Variants in PKHD1L1 observed in about 807,000 individuals in gnomAD.
The protein encoded by PKHD1L1 is fibrocystin-L.
Under a neutral mutation model 462.9 loss-of-function variants are expected in PKHD1L1, and 434 were observed. The observed-to-expected ratio is 0.94, with a 90% confidence interval of 0.87 to 1.02. The LOEUF is 1.02. PKHD1L1 is among the 50% of genes least tolerant of loss of function. The pLI, the probability that PKHD1L1 is intolerant of heterozygous loss-of-function variation, is 0.00. For missense variants in PKHD1L1, 5,202 were observed against 5,096.1 expected, an observed-to-expected ratio of 1.02 and a Z score of -0.63; for synonymous variants, 1,781 against 1,750.0, an observed-to-expected ratio of 1.02 and a Z score of -0.44.
At chr8:109,415,859 AAAG>A (rs1814126600) in intron 21 of PKHD1L1, among the ~76,000 whole-genome samples, 3 of 107,624 alleles carry the variant, frequency 2.8e-5, no homozygotes, top group Non-Finnish European at 3.7e-5. Context: ...AAAAAAAAAA[AAAG>A]GGGTGTGTGT....
intron 53 of PKHD1L1, among the ~76,000 whole-genome samples, chr8:109,478,740 A>G (rs1818123626): frequency 6.6e-6 from 1 of 152,170 alleles, no homozygotes. Flanking sequence ...TAACAGATTT[A>G]GATTGCTCTA....
At position 109,507,660 on chromosome 8, in the gene PKHD1L1, C is replaced by T. The variant is rs747728537; in HGVS notation, c.10995-3C>T. 4.3e-6 allele frequency: 7 copies of T among 1,609,870 alleles called. No individual in the cohort carries two copies. Among genetic ancestry groups the T allele is most frequent in the Non-Finnish European group, 5.9e-6 (7 of 1,176,580 alleles). On this transcript the variant is annotated splice_region_variant and splice_polypyrimidine_tract_variant and intron_variant, in intron 68 of 77. Transcript: ENST00000378402. Reference sequence around the variant, plus strand: ...AACTGAATAATTCAACTTTTCTCCACAGTAAGGTCAATCCATCTGATTGTG... The same window carrying T: ...AACTGAATAATTCAACTTTTCTCCATAGTAAGGTCAATCCATCTGATTGTG...
intron 2 of PKHD1L1, among the ~76,000 whole-genome samples, chr8:109,371,190 G>A (rs1313636460): frequency 6.6e-5 from 10 of 152,110 alleles, no homozygotes; most frequent in African/African-American, 1.2e-4. Flanking sequence ...TTTAATGATC[G>A]CCATTCTAAC....
At chr8:109,414,015 A>T (rs1011526767) in intron 21 of PKHD1L1, among the ~76,000 whole-genome samples, 7 of 152,170 alleles carry the variant, frequency 4.6e-5, no homozygotes, top group African/African-American at 7.2e-5. Context: ...ACATAAAGGA[A>T]GAAACAAAAT....
intron 8 of PKHD1L1, among the ~76,000 whole-genome samples, chr8:109,389,446 G>T (rs1812602625): frequency 6.6e-6 from 1 of 150,388 alleles, no homozygotes; most frequent in Non-Finnish European, 1.5e-5. Flanking sequence ...CCTTAATTTT[G>T]CTCTGTTCTT....
chr8:109,368,374 A>G (rs1464201547), intron 2 of PKHD1L1, among the ~76,000 whole-genome samples: 1 of 152,196 alleles, frequency 6.6e-6, no homozygotes, highest in Non-Finnish European at 1.5e-5. Flanking sequence ...GACTGGGGCA[A>G]GTTATTTCGC....
At chr8:109,422,294 C>A (rs1814514135) in intron 23 of PKHD1L1, among the ~76,000 whole-genome samples, 1 of 151,726 alleles carries the variant, frequency 6.6e-6, no homozygotes, top group South Asian at 2.1e-4. Context: ...TGACCACCAC[C>A]AGAACAGTTC....
rs1208134067 is a variant in PKHD1L1 at position 109,535,622 on chromosome 8, A to AATTAAGAGTTTAAAAAGCAACAATCG, written c.*5533_*5534insTTAAGAGTTTAAAAAGCAACAATCGA. On this transcript the variant is annotated 3_prime_UTR_variant, in exon 78 of 78. Transcript: ENST00000378402. ...ATTAAGAGTTTAAAAAGCAACAATC[A>AATTAAGAGTTTAAAAAGCAACAATCG]AGACACATATCCTCCTAAGTGAATT... is the stretch of plus-strand genomic sequence containing the variant. 2.6e-5 allele frequency among the ~76,000 whole-genome samples: 4 copies of AATTAAGAGTTTAAAAAGCAACAATCG among 152,246 alleles called. No individual in the cohort carries two copies. The highest frequency in any genetic ancestry group is 4.4e-5 in the Non-Finnish European group (3 of 68,044).
Position 109,394,490 on chromosome 8 carries a change from G to A in PKHD1L1, c.811+5G>A, listed in dbSNP as rs374287065. On this transcript the variant is annotated splice_donor_5th_base_variant and intron_variant, in intron 10 of 77. Coordinates refer to ENST00000378402, the MANE Select transcript of PKHD1L1 (RefSeq NM_177531.6). ...CAATGTTTCAAACATATGCAGGTAT[G>A]TGACTTTTCTTTCACTCTGTTGCGG... The A allele has an allele frequency of 2.7e-5, 40 of 1,491,694 alleles. No individual in the cohort carries two copies. Among genetic ancestry groups the A allele is most frequent in the Non-Finnish European group, 3.3e-5 (37 of 1,112,500 alleles). 92.4% of individuals were successfully genotyped at this position (1,491,694 alleles called of 1,614,324 possible). A position where few individuals can be genotyped will look rare whatever the true frequency, so the allele number is the denominator to read the frequency against.
rs775901508 is a variant in PKHD1L1, at chr8:109,408,023, A to AAATT, written c.1814-25_1814-22dup. 26 of 1,542,852 alleles carry AAATT rather than the reference A, an allele frequency of 1.7e-5. No homozygotes were observed. In the East Asian group the frequency reaches 5.3e-4, roughly 31 times the overall value. On this transcript the variant is annotated intron_variant, in intron 17 of 77. Coordinates refer to ENST00000378402, the MANE Select transcript of PKHD1L1 (RefSeq NM_177531.6). ...AGGCATTTTATTAGTTAATGTCTAC[A>AAATT]AATTCTGTTTGTCACTTAATTTCAG... is the stretch of plus-strand genomic sequence containing the variant.
chr8:109,390,078 G>A (rs1269800377), intron 8 of PKHD1L1, among the ~76,000 whole-genome samples: 1 of 152,048 alleles, frequency 6.6e-6, no homozygotes, highest in African/African-American at 2.4e-5. Flanking sequence ...AGAAGGACAA[G>A]CTGTGTGCTC....
intron 51 of PKHD1L1, 58 bp downstream of exon 51, chr8:109,475,327 T>C: frequency 7.7e-7 from 1 of 1,297,716 alleles, no homozygotes; most frequent in Non-Finnish European, 1.0e-6. Flanking sequence ...ACAGCCTACA[T>C]CCTCATACTT....
At chr8:109,413,582 C>T in intron 21 of PKHD1L1, 37 bp downstream of exon 21, 1 of 1,429,352 alleles carries the variant, frequency 7.0e-7, no homozygotes, top group East Asian at 2.6e-5. Context: ...TACATTATAC[C>T]ATGGTATATA....
Position 109,444,740 on chromosome 8 carries a change from C to A in PKHD1L1, c.4871C>A (p.Ser1624Ter). 6.2e-7 allele frequency: 1 copy of A among 1,613,960 alleles called. No individual in the cohort carries two copies. Among genetic ancestry groups the A allele is most frequent in the Non-Finnish European group, 8.5e-7 (1 of 1,179,864 alleles). The change falls in exon 38 of 78, where the codon TCA (serine) becomes TAA (stop). Residue 1624 changes from serine (S) to a stop codon, truncating the protein, a stop_gained. Coordinates refer to ENST00000378402, the MANE Select transcript of PKHD1L1 (RefSeq NM_177531.6). LOFTEE classifies it high-confidence loss of function. ...ACATGTCATATTGACCCTCAAAACT[C>A]AATGGATGTTGGTATCAGGGAAACT... ...SITCHIDPQN[S>*]MDVGIRETVT...
chr8:109,386,330 A>G (rs1812441576), intron 6 of PKHD1L1, among the ~76,000 whole-genome samples: 1 of 152,216 alleles, frequency 6.6e-6, no homozygotes, highest in Non-Finnish European at 1.5e-5. Flanking sequence ...TCCTACAGAA[A>G]AAAGTGTAGA....
intron 2 of PKHD1L1, among the ~76,000 whole-genome samples, chr8:109,368,269 T>C (rs1811327910): frequency 6.6e-6 from 1 of 152,246 alleles, no homozygotes; most frequent in Non-Finnish European, 1.5e-5. Flanking sequence ...TGTTGAAGTG[T>C]TGAATTATAT....
intron 71 of PKHD1L1, among the ~76,000 whole-genome samples, chr8:109,512,432 G>T (rs1237782647): frequency 6.6e-6 from 1 of 151,866 alleles, no homozygotes; most frequent in Non-Finnish European, 1.5e-5. Flanking sequence ...AGTTTTCCCA[G>T]CACCATTTAT....
intron 53 of PKHD1L1, 80 bp from the exon 54 acceptor site, chr8:109,479,471 A>G: frequency 2.1e-6 from 2 of 958,406 alleles, no homozygotes; most frequent in South Asian, 1.6e-5. Flanking sequence ...TTATGGGGAA[A>G]TGGAACGGTT....
In PKHD1L1 at chr8:109,451,080, C is replaced by T. The variant is rs1816465510; in HGVS notation, c.6281C>T (p.Thr2094Ile). ...GCAGTGTCACTGACTCCACTCATCA[C>T]TGCAGTATCTCCTAAGAGAGGCAGT... Reference protein sequence around the residue: ...TYAVSLTPLITAVSPKRGSTA... With the variant: ...TYAVSLTPLIIAVSPKRGSTA... Residue 2094 changes from threonine (T) to isoleucine (I), a missense_variant, in exon 41 of 78, where the codon ACT becomes ATT. Thr to Ile is a moderately conservative substitution (Grantham distance 89). This residue lies in a region of PKHD1L1 where 4,497 missense variants were observed against 4,336.8 expected (regional missense o/e 1.04). Coordinates refer to ENST00000378402, the MANE Select transcript of PKHD1L1 (RefSeq NM_177531.6). The T allele has an allele frequency of 6.2e-7, 1 of 1,613,774 alleles. No homozygotes were observed. The highest frequency in any genetic ancestry group is 8.5e-7 in the Non-Finnish European group (1 of 1,179,768).
Sources: allele counts gnomAD v4.1 joint callset (sites outside exome capture counted in the v4.1 genomes callset), GRCh38; gene constraint gnomAD v4.1.1; regional missense constraint gnomAD v4.1.1; transcripts MANE v1.5; gene names NCBI Gene and HGNC (gene_info 2026-07-23, HGNC 2026-07-21).